The following NPM2 variants were observed in gnomAD, a reference collection of about 807,000 sequenced individuals.
The protein encoded by NPM2 is nucleophosmin/nucleoplasmin 2.
NPM2 carries 25 observed loss-of-function variants against 32.0 expected under a neutral mutation model. That is an observed-to-expected ratio of 0.78 (90% CI 0.57 to 1.09). The LOEUF (loss-of-function observed/expected upper bound fraction) is 1.09, where lower values mean the gene tolerates loss of function less well. NPM2 is among the 50% of genes least tolerant of loss of function. The pLI is 0.00. For missense variants in NPM2, 282 were observed against 259.9 expected (o/e 1.08, Z -0.58); for synonymous variants, 111 against 94.2 (o/e 1.18, Z -1.04).
At chr8:22,033,611 A>G (rs1022702165) in intron 6 of NPM2, among the ~76,000 whole-genome samples, 1 of 151,746 alleles carries the variant, frequency 6.6e-6, no homozygotes, top group African/African-American at 2.4e-5. Context: ...CATGATGCTG[A>G]CTCCTTCAAG....
At chr8:22,034,329 T>A in intron 7 of NPM2, 54 bp downstream of exon 7, 1 of 1,523,742 alleles carries the variant, frequency 6.6e-7, no homozygotes, top group Admixed American at 2.0e-5. Flanking sequence ...ACAGAAGCAC[T>A]TAAGAGGGGT....
intron 5 of NPM2, among the ~76,000 whole-genome samples, chr8:22,029,153 A>G (rs1201511862): frequency 2.6e-5 from 4 of 151,400 alleles, no homozygotes; most frequent in Admixed American, 6.6e-5. Flanking sequence ...TTATTTTTTT[A>G]TTTTCGAAAT....
intron 8 of NPM2, 120 bp from the exon 9 acceptor site, chr8:22,036,373 C>T: frequency 1.1e-6 from 1 of 948,548 alleles, no homozygotes; most frequent in African/African-American, 1.7e-5. Context: ...GAGTGGTCCC[C>T]AGGAGGAGCA....
intron 5 of NPM2, among the ~76,000 whole-genome samples, chr8:22,030,856 T>C (rs1800415389): frequency 6.6e-6 from 1 of 152,106 alleles, no homozygotes; most frequent in South Asian, 2.1e-4. Flanking sequence ...TTATCTGATA[T>C]TTTTTTAGAT....
chr8:22,031,749 C>CT (rs1800449777), intron 5 of NPM2, among the ~76,000 whole-genome samples: 1 of 152,178 alleles, frequency 6.6e-6, no homozygotes, highest in Non-Finnish European at 1.5e-5. Flanking sequence ...CGTGCTCGGC[C>CT]TGTGTGTGAG....
rs150862485 is a variant in NPM2, at chr8:22,036,425, C to T, written c.567-68C>T. On this transcript the variant is annotated intron_variant, in intron 8 of 9. Coordinates refer to ENST00000518119, the MANE Select transcript of NPM2 (RefSeq NM_001286680.2). ...AGGGTGGGCACTGGGAGGGCCACGC[C>T]GCTGGTCTGGAGCTGAGCTCTCTCC... 508 of 1,522,000 alleles carry T rather than the reference C, an allele frequency of 3.3e-4. 5 individuals carry two copies. In the African/African-American group the frequency reaches 5.5e-3, roughly 16 times the overall value. The allele number at this position is 1,522,000 out of a possible 1,614,324, so 94.3% of individuals were successfully genotyped here.
At chr8:22,032,641 G>T (rs780554926) in intron 5 of NPM2, among the ~76,000 whole-genome samples, 1 of 152,192 alleles carries the variant, frequency 6.6e-6, no homozygotes, top group Non-Finnish European at 1.5e-5. Context: ...GTTCTGGTAA[G>T]GGTCCTCTCC....
intron 8 of NPM2, among the ~76,000 whole-genome samples, chr8:22,035,200 A>G (rs1406410317): frequency 6.6e-6 from 1 of 152,262 alleles, no homozygotes; most frequent in Non-Finnish European, 1.5e-5. Context: ...TCACTAAGCT[A>G]CATCCCTCTT....
rs1007251938 is a variant in NPM2, at chr8:22,027,429, T to C, written c.270+1657T>C. On this transcript the variant is annotated intron_variant, in intron 5 of 9. Coordinates refer to ENST00000518119, the MANE Select transcript of NPM2 (RefSeq NM_001286680.2). ...TTATTTCTGTAAACTCAACCTCTCT[T>C]GAGCTCCAAGTCCTATATCCAACTA... is the stretch of plus-strand genomic sequence containing the variant. Among the ~76,000 whole-genome samples the C allele has an allele frequency of 2.6e-5, 4 of 152,348 alleles. No individual in the cohort carries two copies. In the South Asian group the frequency reaches 6.2e-4, roughly 24 times the overall value.
intron 7 of NPM2, 87 bp downstream of exon 7, chr8:22,034,362 G>A: frequency 2.1e-6 from 3 of 1,430,730 alleles, no homozygotes; most frequent in East Asian, 2.3e-5. Context: ...GCCTGGGCCA[G>A]CCTCCCAGAA....
In NPM2 at chr8:22,025,291, A is replaced by G. The variant is rs570116618; in HGVS notation, c.43A>G (p.Thr15Ala). 4.0e-5 allele frequency: 65 copies of G among 1,610,750 alleles called. No individual in the cohort carries two copies. In the East Asian group the frequency reaches 1.5e-3, roughly 36 times the overall value. ...SASSTEEKAV[T>A]TVLWGCELSQ... Reference sequence around the variant, plus strand: ...CAGTAGCACGGAGGAAAAGGCAGTGACGACCGTGCTCTGGGGTGAGTGGGG... The same window carrying G: ...CAGTAGCACGGAGGAAAAGGCAGTGGCGACCGTGCTCTGGGGTGAGTGGGG... The change falls in exon 3 of 10, where the codon ACG (threonine) becomes GCG (alanine). Residue 15 changes from threonine (T) to alanine (A), a missense_variant. By Grantham distance (58) the Thr-to-Ala change is moderately conservative (BLOSUM62 0). Coordinates refer to ENST00000518119, the MANE Select transcript of NPM2 (RefSeq NM_001286680.2).
intron 5 of NPM2, 56 bp downstream of exon 5, chr8:22,025,828 G>C: frequency 6.2e-7 from 1 of 1,610,794 alleles, no homozygotes; most frequent in Non-Finnish European, 8.5e-7. Flanking sequence ...TCACCCTTGG[G>C]TGGGGATGGA....
rs1019008139 is a variant in NPM2 at position 22,026,677 on chromosome 8, A to T, written c.270+905A>T. ...ACAATGTTGCCCAGGCTAGTCTCGA[A>T]CTCCTGACCTCAGGTGATTCGCCCG... On this transcript the variant is annotated intron_variant, in intron 5 of 9. Transcript: ENST00000518119. 4.0e-5 allele frequency among the ~76,000 whole-genome samples: 6 copies of T among 151,588 alleles called. No homozygotes were observed. In the East Asian group the frequency reaches 1.2e-3, roughly 29 times the overall value.
rs1004960316 is a variant in NPM2, at chr8:22,025,646, G to T, written c.145-1G>T. The stretch of plus-strand genomic sequence containing the variant: ...GGGCCTCTATTTTCAACCCCGCTCA[G>T]ATTTGCTTGGGGGAGAAAGCCAAAG... On this transcript the variant is annotated splice_acceptor_variant, in intron 4 of 9. Transcript: ENST00000518119. LOFTEE classifies it high-confidence loss of function. 1 of 1,614,164 alleles carries T rather than the reference G, an allele frequency of 6.2e-7. No individual in the cohort carries two copies. Among genetic ancestry groups the T allele is most frequent in the Non-Finnish European group, 8.5e-7 (1 of 1,180,022 alleles).
chr8:22,034,102 A>G lies in NPM2; in HGVS notation c.365-7A>G. 1 of 1,581,036 alleles carries G rather than the reference A, an allele frequency of 6.3e-7. No individual in the cohort carries two copies. Among genetic ancestry groups the G allele is most frequent in the Non-Finnish European group, 8.6e-7 (1 of 1,165,888 alleles). On this transcript the variant is annotated splice_polypyrimidine_tract_variant and splice_region_variant and intron_variant, in intron 6 of 9. Transcript: ENST00000518119. ...GTGCCCCTGCATCCTTTCCCATGCTATTACAGAAGCATCAGACCTAACCTG... is the reference window on the plus strand; with the variant it reads ...GTGCCCCTGCATCCTTTCCCATGCTGTTACAGAAGCATCAGACCTAACCTG...
chr8:22,035,675 T>C (rs1800595429), intron 8 of NPM2, among the ~76,000 whole-genome samples: 1 of 152,228 alleles, frequency 6.6e-6, no homozygotes, highest in African/African-American at 2.4e-5. Flanking sequence ...GGCTCACGCC[T>C]GTAATCCCAG....
intron 5 of NPM2, among the ~76,000 whole-genome samples, chr8:22,028,984 T>G (rs572407965): frequency 6.6e-6 from 1 of 152,300 alleles, no homozygotes; most frequent in South Asian, 2.1e-4. Flanking sequence ...TTAAAGTTCC[T>G]TTTCCCCTTC....
chr8:22,025,800 C>G (rs757665687), intron 5 of NPM2, 28 bp downstream of exon 5: 2 of 1,613,338 alleles, frequency 1.2e-6, no homozygotes, highest in Middle Eastern at 1.7e-4. Context: ...GGCTGGAAGA[C>G]TGCTGTCAGC....
intron 3 of NPM2, 56 bp from the exon 4 acceptor site, chr8:22,025,380 G>A: frequency 6.2e-7 from 1 of 1,605,478 alleles, no homozygotes; most frequent in Non-Finnish European, 8.5e-7. Context: ...GCGCAGGTGA[G>A]CCCCTCCTTT....
Sources: allele counts gnomAD v4.1 joint callset (sites outside exome capture counted in the v4.1 genomes callset), GRCh38; gene constraint gnomAD v4.1.1; transcripts MANE v1.5; gene names NCBI Gene and HGNC (gene_info 2026-07-23, HGNC 2026-07-21).